E4F1: variants seen among roughly 807,000 people sequenced by gnomAD.
E4F1 encodes transcription factor E4F1.
E4F1 carries 30 observed loss-of-function variants against 72.9 expected under a neutral mutation model. That is an observed-to-expected ratio of 0.41 (90% CI 0.31 to 0.56). The LOEUF is 0.56. Ranked by LOEUF, E4F1 falls within the 20% of genes least tolerant of loss-of-function variation. E4F1 has a pLI of 0.25. For synonymous variants in E4F1, 542 were observed against 478.2 expected (o/e 1.13, Z -1.74); for missense variants, 1,091 against 1,117.5 (o/e 0.98, Z 0.34).
At chr16:2,234,481 GC>G in intron 10 of E4F1, 93 bp downstream of exon 10, 1 of 1,567,530 alleles carries the variant, frequency 6.4e-7, no homozygotes, top group Admixed American at 1.8e-5. Flanking sequence ...CCTCCACCAT[GC>G]TCAGTCTTGA....
chr16:2,228,362 C>A lies in E4F1; in HGVS notation c.158-10C>A. ...CTTCCCAGGCCCTGCTGACAGCAGGCTCGTTGCAGATGAGGACGATGTGCA... is the reference window on the plus strand; with the variant it reads ...CTTCCCAGGCCCTGCTGACAGCAGGATCGTTGCAGATGAGGACGATGTGCA... On this transcript the variant is annotated splice_polypyrimidine_tract_variant and intron_variant, in intron 1 of 13. Coordinates refer to ENST00000301727, the MANE Select transcript of E4F1 (RefSeq NM_004424.5). The A allele has an allele frequency of 1.2e-6, 2 of 1,613,616 alleles. No homozygotes were observed. The highest frequency in any genetic ancestry group is 1.7e-6 in the Non-Finnish European group (2 of 1,179,974).
Position 2,234,606 on chromosome 16 carries a change from G to A in E4F1, c.1617G>A (p.Arg539=), listed in dbSNP as rs768046902. The A allele has an allele frequency of 1.9e-6, 3 of 1,599,452 alleles. No individual in the cohort carries two copies. The highest frequency in any genetic ancestry group is 2.6e-6 in the Non-Finnish European group (3 of 1,173,658). Residue 539 remains arginine, a synonymous_variant, in exon 11 of 14, where the codon AGG becomes AGA. Transcript: ENST00000301727. ...KTKNAQQVHF[R]THLEEKPHVC... ...AGAACGCACAGCAGGTGCACTTCAGGACACACCTGGAGGAGAAGCCGCACG... is the reference window on the plus strand; with the variant it reads ...AGAACGCACAGCAGGTGCACTTCAGAACACACCTGGAGGAGAAGCCGCACG...
Position 2,232,802 on chromosome 16 carries a change from G to A in E4F1, c.777G>A (p.Glu259=). 5 of 1,613,430 alleles carry A rather than the reference G, an allele frequency of 3.1e-6. No homozygotes were observed. Among genetic ancestry groups the A allele is most frequent in the Non-Finnish European group, 4.2e-6 (5 of 1,180,026 alleles). Residue 259 remains glutamate (E), a synonymous_variant, in exon 6 of 14, where the codon GAG becomes GAA. Transcript: ENST00000301727. Reference sequence around the variant, plus strand: ...CCAAGTGTGGAAAGAGCTTCCGGGAGTCGGGTGCACTGACCCGGCACCTCA... The same window carrying A: ...CCAAGTGTGGAAAGAGCTTCCGGGAATCGGGTGCACTGACCCGGCACCTCA... ...KCSKCGKSFR[E]SGALTRHLKS...
At chr16:2,228,902 G>A (rs564766796) in intron 2 of E4F1, among the ~76,000 whole-genome samples, 9 of 152,284 alleles carry the variant, frequency 5.9e-5, no homozygotes, top group African/African-American at 2.2e-4. Context: ...GTGTGGCCCT[G>A]GGGGGTCCCG....
At chr16:2,235,060 T>A in intron 12 of E4F1, 21 bp from the exon 13 acceptor site, 1 of 1,612,180 alleles carries the variant, frequency 6.2e-7, no homozygotes, top group Non-Finnish European at 8.5e-7. Context: ...CTGACCTCTG[T>A]CCTTCTGCCC....
At position 2,233,075 on chromosome 16, in the gene E4F1, G is replaced by C. The variant is rs760648312; in HGVS notation, c.948G>C (p.Glu316Asp). Residue 316 changes from glutamate to aspartate, a missense_variant, in exon 7 of 14, where the codon GAG (glutamate) becomes GAC (aspartate). Physicochemically the swap from Glu to Asp is conservative, Grantham distance 45 (BLOSUM62 2). Coordinates refer to ENST00000301727, the MANE Select transcript of E4F1 (RefSeq NM_004424.5). Reference protein sequence around the residue: ...ATSSVTGEPIETSPVIHLVTD... With the variant: ...ATSSVTGEPIDTSPVIHLVTD... The stretch of plus-strand genomic sequence containing the variant: ...CATCGGTGACAGGCGAGCCTATAGA[G>C]ACTTCACCCGTGATTCACCTGGTGA... 17 of 1,612,542 alleles carry C rather than the reference G, an allele frequency of 1.1e-5. No homozygotes were observed. The highest frequency in any genetic ancestry group is 4.2e-6 in the Non-Finnish European group (5 of 1,179,550).
At chr16:2,232,093 C>T (rs1184698411) in intron 3 of E4F1, 78 bp from the exon 4 acceptor site, 1 of 1,565,978 alleles carries the variant, frequency 6.4e-7, no homozygotes. Context: ...CAGCAGGTCC[C>T]CTCCCCTGGA....
rs199977994 is a variant in E4F1 at position 2,235,447 on chromosome 16, A to C, written c.2230A>C (p.Ser744Arg). 28 of 1,612,394 alleles carry C rather than the reference A, an allele frequency of 1.7e-5. No individual in the cohort carries two copies. The highest frequency in any genetic ancestry group is 1.6e-4 in the Middle Eastern group (1 of 6,080). Residue 744 changes from serine to arginine, a missense_variant, in exon 14 of 14, where the codon AGT becomes CGT. This residue lies in a region of E4F1 where 622 missense variants were observed against 628.0 expected (regional missense o/e 0.99). Transcript: ENST00000301727. ...TGTGCTTGCCGCCCGGGCAGGGACA[A>C]GTGGCACTGAACAGGCCACTGTGAC... ...GTVLAARAGT[S>R]GTEQATVTMV...
chr16:2,233,611 G>A lies in E4F1; in HGVS notation c.1230G>A (p.Pro410=), dbSNP rs775793277. The change falls in exon 8 of 14, where the codon CCG becomes CCA. Residue 410 remains proline (P), a synonymous_variant. Transcript: ENST00000301727. The part of the protein sequence containing the change: ...SSPQPLAVAA[P]QLPVLEVQPL... ...CCCAGCCCCTGGCAGTGGCAGCCCC[G>A]CAGCTGCCGGTACTGGAAGTGCAGC... 59 of 1,511,060 alleles carry A rather than the reference G, an allele frequency of 3.9e-5. 1 individual carries two copies. In the South Asian group the frequency reaches 5.2e-4, roughly 13 times the overall value. The allele number at this position is 1,511,060 out of a possible 1,614,324, so 93.6% of individuals were successfully genotyped here. A position where few individuals can be genotyped will look rare whatever the true frequency, so the allele number is the denominator to read the frequency against.
At chr16:2,226,338 G>A (rs1156708325) in intron 1 of E4F1, among the ~76,000 whole-genome samples, 1 of 152,200 alleles carries the variant, frequency 6.6e-6, no homozygotes, top group East Asian at 1.9e-4. Context: ...TTCTGGGGTA[G>A]GGGGTTCTTC....
At chr16:2,233,244 T>C in intron 7 of E4F1, 61 bp downstream of exon 7, 2 of 1,538,078 alleles carry the variant, frequency 1.3e-6, no homozygotes, top group African/African-American at 1.4e-5. Context: ...GTGCCAGTCT[T>C]TGTTCTGGGC....
At position 2,234,951 on chromosome 16, in the gene E4F1, TTGG is replaced by T. The variant is rs2093496926; in HGVS notation, c.1889_1891del (p.Val630del). The T allele has an allele frequency of 1.3e-6, 2 of 1,588,012 alleles. No homozygotes were observed. Among genetic ancestry groups the T allele is most frequent in the Non-Finnish European group, 1.7e-6 (2 of 1,167,182 alleles). On this transcript the variant is annotated inframe_deletion, in exon 12 of 14. Coordinates refer to ENST00000301727, the MANE Select transcript of E4F1 (RefSeq NM_004424.5). ...CCTCACGGAAGACCCGCACACAGTG[TTGG>T]TGGAGTTCTCGTCCGTGGTAGCTGA...
intron 5 of E4F1, 80 bp downstream of exon 5, chr16:2,232,656 A>C: frequency 6.2e-7 from 1 of 1,604,064 alleles, no homozygotes; most frequent in South Asian, 1.1e-5. Flanking sequence ...CGCATTCCCC[A>C]GCTTTGGGGG....
At chr16:2,229,767 C>G (rs554167134) in intron 3 of E4F1, 92 bp downstream of exon 3, 7 of 1,394,918 alleles carry the variant, frequency 5.0e-6, no homozygotes, top group South Asian at 2.4e-5. Context: ...TCGTCTCTCC[C>G]GAGACCAGGG....
chr16:2,226,210 T>C (rs893379136), intron 1 of E4F1, among the ~76,000 whole-genome samples: 2 of 152,252 alleles, frequency 1.3e-5, no homozygotes, highest in African/African-American at 4.8e-5. Context: ...CCTTTTTTCC[T>C]TGCCCCTTCT....
intron 3 of E4F1, 55 bp downstream of exon 3, chr16:2,229,730 A>G: frequency 6.3e-7 from 1 of 1,589,128 alleles, no homozygotes; most frequent in Non-Finnish European, 8.6e-7. Flanking sequence ...TTGGGGCCAG[A>G]GGATGGGGCC....
At chr16:2,232,110 A>C in intron 3 of E4F1, 61 bp from the exon 4 acceptor site, 1 of 1,588,162 alleles carries the variant, frequency 6.3e-7, no homozygotes, top group Non-Finnish European at 8.5e-7. Flanking sequence ...TGGAGCCAGC[A>C]GTCTCTGGGG....
rs1369052123 is a variant in E4F1 at position 2,234,710 on chromosome 16, C to T, written c.1721C>T (p.Pro574Leu). The T allele has an allele frequency of 1.9e-5, 30 of 1,567,638 alleles. No homozygotes were observed. The highest frequency in any genetic ancestry group is 2.4e-5 in the Non-Finnish European group (28 of 1,156,264). Residue 574 changes from proline (P) to leucine (L), a missense_variant, in exon 11 of 14, where the codon CCG becomes CTG. By Grantham distance (98) the Pro-to-Leu change is moderately conservative. Around this residue, in one of 5 missense-constraint regions of E4F1, gnomAD observed 622 missense variants for 628.0 expected, o/e 0.99. Coordinates refer to ENST00000301727, the MANE Select transcript of E4F1 (RefSeq NM_004424.5). ...GTGCGACACCACACAGGCGAGAAGC[C>T]GTTCAAGTGCTACAAGTGCGGCCGT... The part of the protein sequence containing the change: ...RHVRHHTGEK[P>L]FKCYKCGRGF...
In E4F1 at chr16:2,229,779, C is replaced by T. The variant is rs562930418; in HGVS notation, c.415+104C>T. The T allele has an allele frequency of 3.0e-6, 4 of 1,337,840 alleles. No homozygotes were observed. The Admixed American group carries it at 5.6e-5, about 19-fold the overall frequency. The allele number at this position is 1,337,840 out of a possible 1,614,324, so 82.9% of individuals were successfully genotyped here. A position where few individuals can be genotyped will look rare whatever the true frequency, so the allele number is the denominator to read the frequency against. On this transcript the variant is annotated intron_variant, in intron 3 of 13. Coordinates refer to ENST00000301727, the MANE Select transcript of E4F1 (RefSeq NM_004424.5). Reference sequence around the variant, plus strand: ...TGCTCGTCTCTCCCGAGACCAGGGCCTGGCTGGGAGGGGCCGCGGCCTCGT... The same window carrying T: ...TGCTCGTCTCTCCCGAGACCAGGGCTTGGCTGGGAGGGGCCGCGGCCTCGT...
Sources: gnomAD v4.1 joint callset for allele counts (sites outside exome capture counted in the v4.1 genomes callset) on GRCh38, gnomAD v4.1.1 for gene constraint, gnomAD v4.1.1 regional missense constraint, MANE v1.5 for transcripts, NCBI Gene and HGNC (gene_info 2026-07-23, HGNC 2026-07-21) for gene names.